Variants in VPS13B observed in about 807,000 individuals in gnomAD.
VPS13B encodes vacuolar protein sorting 13 homolog B.
A neutral mutation model predicts 426.4 loss-of-function variants in VPS13B; 285 were observed. The observed-to-expected ratio is 0.67, with a 90% CI of 0.61 to 0.74. The LOEUF is 0.74. Ranked by LOEUF, VPS13B falls within the 30% of genes least tolerant of loss-of-function variation. The pLI, the probability that VPS13B is intolerant of heterozygous loss-of-function variation, is 0.00. For missense variants in VPS13B, 4,537 were observed against 4,782.6 expected, an observed-to-expected ratio of 0.95 and a Z score of 1.51; for synonymous variants, 1,676 against 1,676.4, an observed-to-expected ratio of 1.00 and a Z score of 0.01.
At chr8:99,275,402 TGAA>T in intron 19 of VPS13B, 148 bp downstream of exon 19, 1 of 730,478 alleles carries the variant, frequency 1.4e-6, no homozygotes, top group Non-Finnish European at 2.1e-6. Flanking sequence ...AAAATTCAAA[TGAA>T]GAATTTTTGT....
At chr8:99,330,957 T>C (rs1254571076) in intron 19 of VPS13B, among the ~76,000 whole-genome samples, 1 of 151,850 alleles carries the variant, frequency 6.6e-6, no homozygotes, top group Non-Finnish European at 1.5e-5. Context: ...AGAAAATTCC[T>C]TGTATTCCTG....
chr8:99,217,064 A>G (rs1237297666), intron 17 of VPS13B, among the ~76,000 whole-genome samples: 2 of 151,584 alleles, frequency 1.3e-5, no homozygotes, highest in Non-Finnish European at 2.9e-5. Flanking sequence ...TTTTCTGTTT[A>G]CTCTTTTCAT....
Position 99,782,684 on chromosome 8 carries a change from G to A in VPS13B, c.7780-1631G>A, listed in dbSNP as rs1588707369. Among the ~76,000 whole-genome samples, 5 of 152,146 alleles carry A rather than the reference G, an allele frequency of 3.3e-5. No homozygotes were observed. In the South Asian group the frequency reaches 6.2e-4, roughly 19 times the overall value. The stretch of plus-strand genomic sequence containing the variant: ...GTGCTGGAGGAGCTGGAAAAGGCTA[G>A]TGGAGCTGGAGTGTCCTGAGCAAAT... On this transcript the variant is annotated intron_variant, in intron 42 of 61. Coordinates refer to ENST00000357162, the MANE Select transcript of VPS13B (RefSeq NM_152564.5).
At chr8:99,091,451 G>A (rs781638028) in intron 3 of VPS13B, among the ~76,000 whole-genome samples, 1 of 152,126 alleles carries the variant, frequency 6.6e-6, no homozygotes, top group Non-Finnish European at 1.5e-5. Flanking sequence ...CTTGATAGAA[G>A]ATGGAAACAG....
chr8:99,449,030 G>T lies in VPS13B; in HGVS notation c.3445+6395G>T, dbSNP rs114085378. Among the ~76,000 whole-genome samples the T allele has an allele frequency of 5.5e-3, 836 of 152,192 alleles. 7 individuals carry two copies. Among genetic ancestry groups the T allele is most frequent in the African/African-American group, 0.019 (802 of 41,526 alleles). On this transcript the variant is annotated intron_variant, in intron 23 of 61. Coordinates refer to ENST00000357162, the MANE Select transcript of VPS13B (RefSeq NM_152564.5). The stretch of plus-strand genomic sequence containing the variant: ...AGTAAGTATAGAGGATGGATTGGGG[G>T]TAATTGGATAAAGTAGGAAACCTGG...
At chr8:99,289,573 G>A (rs1255017051) in intron 19 of VPS13B, among the ~76,000 whole-genome samples, 2 of 152,050 alleles carry the variant, frequency 1.3e-5, no homozygotes, top group African/African-American at 2.4e-5. Context: ...ATCTAAAGAC[G>A]ATTCATTTCT....
chr8:99,289,408 AC>A (rs1387375041), intron 19 of VPS13B, among the ~76,000 whole-genome samples: 1 of 151,900 alleles, frequency 6.6e-6, no homozygotes, highest in East Asian at 1.9e-4. Flanking sequence ...TTTTGTTTTT[AC>A]CCTCACTTCC....
At chr8:99,313,284 T>C (rs1021702182) in intron 19 of VPS13B, among the ~76,000 whole-genome samples, 1 of 152,192 alleles carries the variant, frequency 6.6e-6, no homozygotes, top group Non-Finnish European at 1.5e-5. Flanking sequence ...CTGTTTTTTC[T>C]GCATCTTTGT....
At chr8:99,270,786 T>C (rs1818550030) in intron 17 of VPS13B, among the ~76,000 whole-genome samples, 1 of 152,118 alleles carries the variant, frequency 6.6e-6, no homozygotes, top group Non-Finnish European at 1.5e-5. Context: ...CCTTAAGGCT[T>C]GAGAGCCAGG....
chr8:99,360,120 A>ATCTATCTTTCTT (rs1812422490), intron 19 of VPS13B, among the ~76,000 whole-genome samples: 5 of 62,344 alleles, frequency 8.0e-5, no homozygotes, highest in Non-Finnish European at 1.3e-4. Context: ...TTTTTTCCTT[A>ATCTATCTTTCTT]TCTTTCTTTC....
intron 52 of VPS13B, 63 bp downstream of exon 52, chr8:99,832,715 T>A (rs1217734575): frequency 1.3e-6 from 2 of 1,548,546 alleles, no homozygotes; most frequent in Non-Finnish European, 1.8e-6. Context: ...TTCATCTAGA[T>A]GCCAAGAGAG....
rs139264080 is a variant in VPS13B, at chr8:99,572,168, C to T, written c.4950-3490C>T. Among the ~76,000 whole-genome samples, 120 of 152,114 alleles carry T rather than the reference C, an allele frequency of 7.9e-4. 1 individual carries two copies. The East Asian group carries it at 0.021, about 26-fold the overall frequency. ...GGAAATTTGAGGTATGGCTTGCTAA[C>T]GAAACATAAATGTATTATTAGTTGA... On this transcript the variant is annotated intron_variant, in intron 31 of 61. Transcript: ENST00000357162.
In VPS13B at chr8:99,859,204, T is replaced by C. The variant is rs1377851851; in HGVS notation, c.10868-100T>C. On this transcript the variant is annotated intron_variant, in intron 56 of 61. Coordinates refer to ENST00000357162, the MANE Select transcript of VPS13B (RefSeq NM_152564.5). ...AAACAGATTACTTTCCCAATTCTAGTGTGAAAAATGAATTGCAGGGAAAAT... is the reference window on the plus strand; with the variant it reads ...AAACAGATTACTTTCCCAATTCTAGCGTGAAAAATGAATTGCAGGGAAAAT... 5.0e-6 allele frequency: 7 copies of C among 1,403,858 alleles called. No homozygotes were observed. In the East Asian group the frequency reaches 1.6e-4, roughly 32 times the overall value. 87.0% of individuals were successfully genotyped at this position (1,403,858 alleles called of 1,614,324 possible).
chr8:99,196,097 G>A (rs1467940456), intron 17 of VPS13B, among the ~76,000 whole-genome samples: 2 of 152,088 alleles, frequency 1.3e-5, no homozygotes, highest in Non-Finnish European at 2.9e-5. Context: ...AATGACATTG[G>A]AATTTTGATA....
At position 99,111,192 on chromosome 8, in the gene VPS13B, G is replaced by A. The variant is rs750903037; in HGVS notation, c.675G>A (p.Gln225=). 5.0e-6 allele frequency: 8 copies of A among 1,600,028 alleles called. No individual in the cohort carries two copies. The highest frequency in any genetic ancestry group is 6.8e-6 in the Non-Finnish European group (8 of 1,173,246). ...CCAGTGGTAAAATAGAATTTTACCA[G>A]GATCCTTTATTATACAAATGTTCCT... ...RNASGKIEFY[Q]DPLLYKCSFR... Residue 225 remains glutamine, a synonymous_variant, in exon 6 of 62, where the codon CAG becomes CAA. Transcript: ENST00000357162.
chr8:99,715,124 A>G (rs1832860411), intron 36 of VPS13B, among the ~76,000 whole-genome samples: 1 of 152,014 alleles, frequency 6.6e-6, no homozygotes, highest in African/African-American at 2.4e-5. Flanking sequence ...GGGACTTGGA[A>G]TAGATGATTT....
At chr8:99,752,212 G>A (rs1810430770) in intron 39 of VPS13B, among the ~76,000 whole-genome samples, 1 of 151,928 alleles carries the variant, frequency 6.6e-6, no homozygotes, top group Non-Finnish European at 1.5e-5. Flanking sequence ...TTTAAGAAAA[G>A]AAAAGATAGT....
At chr8:99,833,093 C>G (rs1815172433) in intron 52 of VPS13B, among the ~76,000 whole-genome samples, 1 of 152,142 alleles carries the variant, frequency 6.6e-6, no homozygotes, top group African/African-American at 2.4e-5. Flanking sequence ...ACTTTTACTT[C>G]AAAATGGAAT....
intron 33 of VPS13B, among the ~76,000 whole-genome samples, chr8:99,610,644 G>C (rs1827805322): frequency 6.6e-6 from 1 of 151,926 alleles, no homozygotes; most frequent in South Asian, 2.1e-4. Context: ...GTAGATGATG[G>C]GTTGATGGGT....
Sources: gnomAD v4.1 joint callset for allele counts (sites outside exome capture counted in the v4.1 genomes callset) on GRCh38, gnomAD v4.1.1 for gene constraint, MANE v1.5 for transcripts, NCBI Gene and HGNC (gene_info 2026-07-23, HGNC 2026-07-21) for gene names.